Variants in SLC9A7 observed in about 807,000 individuals in gnomAD.
SLC9A7 encodes the protein solute carrier family 9 member A7, also known as sodium/hydrogen exchanger 7.
SLC9A7 carries 19 observed loss-of-function variants against 52.6 expected under a neutral mutation model. The observed-to-expected ratio is 0.36, with a 90% CI of 0.25 to 0.53. SLC9A7 has a LOEUF of 0.53. Ranked by LOEUF, SLC9A7 falls within the 20% of genes least tolerant of loss-of-function variation. SLC9A7 has a pLI of 0.91. For synonymous variants in SLC9A7, 226 were observed against 252.1 expected, an observed-to-expected ratio of 0.90 and a Z score of 0.98; for missense variants, 455 against 597.9, an observed-to-expected ratio of 0.76 and a Z score of 2.49.
chrX:46,732,992 T>C (rs1353367639), intron 1 of SLC9A7, among the ~76,000 whole-genome samples: 2 of 112,438 alleles, frequency 1.8e-5, no homozygotes. Context: ...TATACTACCT[T>C]TGGTCAGAGA....
chrX:46,758,047 T>C (rs1556293792), intron 1 of SLC9A7, among the ~76,000 whole-genome samples: 2 of 111,842 alleles, frequency 1.8e-5, no homozygotes, highest in Non-Finnish European at 3.8e-5. Context: ...TGGGTATAAC[T>C]TTCCACTCGG....
chrX:46,645,880 T>C (rs939836702), intron 11 of SLC9A7, among the ~76,000 whole-genome samples: 1 of 111,231 alleles, frequency 9.0e-6, no homozygotes, highest in African/African-American at 3.3e-5. Flanking sequence ...GCTTATGCCA[T>C]ATTGGTATAA....
intron 16 of SLC9A7, among the ~76,000 whole-genome samples, chrX:46,609,936 G>A (rs1439435934): frequency 9.0e-6 from 1 of 111,677 alleles, no homozygotes; most frequent in Non-Finnish European, 1.9e-5. Flanking sequence ...GCTGAGGCAC[G>A]AGAATCGCTT....
Position 46,643,876 on chromosome X carries a change from A to C in SLC9A7, c.1463-487T>G, listed in dbSNP as rs1322620237. 7.1e-5 allele frequency among the ~76,000 whole-genome samples: 8 copies of C among 112,106 alleles called. No individual in the cohort carries two copies. In the South Asian group the frequency reaches 3.0e-3, roughly 42 times the overall value. On this transcript the variant is annotated intron_variant, in intron 11 of 16. Transcript: ENST00000616978. ...AACCCAATCTACATCAGGGGTGGTC[A>C]ACTCTTTCTGTAACCGGCCAGATAT...
chrX:46,644,765 ATCTT>A (rs1410583737), intron 11 of SLC9A7, among the ~76,000 whole-genome samples: 1 of 112,062 alleles, frequency 8.9e-6, no homozygotes, highest in Non-Finnish European at 1.9e-5. Context: ...CTGTTTGTAC[ATCTT>A]TCTATTTTGC....
At chrX:46,726,559 C>T in intron 1 of SLC9A7, among the ~76,000 whole-genome samples, 1 of 111,468 alleles carries the variant, frequency 9.0e-6, no homozygotes, top group East Asian at 2.8e-4. Context: ...GCATCCCCAA[C>T]ACGAGTCCAG....
At chrX:46,747,639 T>C (rs1205824062) in intron 1 of SLC9A7, among the ~76,000 whole-genome samples, 1 of 111,675 alleles carries the variant, frequency 9.0e-6, no homozygotes, top group East Asian at 2.8e-4. Context: ...AATGACAATA[T>C]AATGGAAGGA....
At chrX:46,713,277 A>G (rs976201343) in intron 1 of SLC9A7, among the ~76,000 whole-genome samples, 1 of 110,347 alleles carries the variant, frequency 9.1e-6, no homozygotes, top group African/African-American at 3.3e-5. Flanking sequence ...AGGCGGGTGG[A>G]TCATCTGAGC....
chrX:46,625,948 T>C (rs1052967413), intron 14 of SLC9A7, among the ~76,000 whole-genome samples: 10 of 111,309 alleles, frequency 9.0e-5, no homozygotes, highest in Non-Finnish European at 1.9e-4. Context: ...CTTGAAAAAC[T>C]TGAAGCAGAG....
At chrX:46,610,519 T>C (rs1275475526) in intron 16 of SLC9A7, among the ~76,000 whole-genome samples, 2 of 111,810 alleles carry the variant, frequency 1.8e-5, no homozygotes, top group East Asian at 5.6e-4. Flanking sequence ...CAGTTTTGGG[T>C]TCCTCCACTG....
At chrX:46,708,016 C>A (rs1944630214) in intron 1 of SLC9A7, among the ~76,000 whole-genome samples, 1 of 111,042 alleles carries the variant, frequency 9.0e-6, no homozygotes, top group Non-Finnish European at 1.9e-5. Context: ...GCTGGGATTA[C>A]AGGCGTGAGC....
At chrX:46,727,337 A>G (rs891954239) in intron 1 of SLC9A7, among the ~76,000 whole-genome samples, 1 of 112,431 alleles carries the variant, frequency 8.9e-6, no homozygotes, top group African/African-American at 3.2e-5. Context: ...TGGTACCCCA[A>G]TGCAATCTCT....
intron 15 of SLC9A7, among the ~76,000 whole-genome samples, chrX:46,616,866 C>T (rs1386516570): frequency 2.7e-5 from 3 of 111,732 alleles, no homozygotes; most frequent in African/African-American, 9.8e-5. Context: ...CTTTGGAAAC[C>T]TCAAAGATTC....
Position 46,738,095 on chromosome X carries a change from GAAAGAAAGAAAGAGA to G in SLC9A7, c.325+20595_325+20609del, listed in dbSNP as rs367715819. On this transcript the variant is annotated intron_variant, in intron 1 of 16. Transcript: ENST00000616978. The stretch of plus-strand genomic sequence containing the variant: ...AGAAAGAAAGAAAGAAAGAAAGAAA[GAAAGAAAGAAAGAGA>G]AAAGAAAAGAAAAGTTTGGACATCT... Among the ~76,000 whole-genome samples, 138 of 56,705 alleles carry G rather than the reference GAAAGAAAGAAAGAGA, an allele frequency of 2.4e-3. 1 individual carries two copies. Among genetic ancestry groups the G allele is most frequent in the African/African-American group, 5.7e-3 (130 of 22,826 alleles). The allele number at this position is 56,705 out of a possible 115,157, so 49.2% of individuals were successfully genotyped here. A position where few individuals can be genotyped will look rare whatever the true frequency, so the allele number is the denominator to read the frequency against.
At chrX:46,744,519 T>C (rs1352657630) in intron 1 of SLC9A7, among the ~76,000 whole-genome samples, 1 of 112,117 alleles carries the variant, frequency 8.9e-6, no homozygotes, top group Non-Finnish European at 1.9e-5. Context: ...GGGGTAGATA[T>C]GAAGAAGTAA....
intron 1 of SLC9A7, among the ~76,000 whole-genome samples, chrX:46,702,268 T>C (rs938680265): frequency 1.8e-5 from 2 of 111,845 alleles, no homozygotes; most frequent in Non-Finnish European, 3.8e-5. Context: ...AGTTCTCTTT[T>C]CAGTTCTGTT....
At chrX:46,738,826 T>C (rs1311956334) in intron 1 of SLC9A7, among the ~76,000 whole-genome samples, 1 of 109,994 alleles carries the variant, frequency 9.1e-6, no homozygotes, top group Non-Finnish European at 1.9e-5. Flanking sequence ...TCAGAGAGAT[T>C]AGTACCCACC....
At position 46,607,085 on chromosome X, in the gene SLC9A7, G is replaced by A; in HGVS notation, c.2048C>T (p.Ser683Phe). The change falls in exon 17 of 17, where the codon TCC becomes TTC. Residue 683 changes from serine (S) to phenylalanine (F), a missense_variant. Coordinates refer to ENST00000616978, the MANE Select transcript of SLC9A7 (RefSeq NM_001257291.2). Reference protein sequence around the residue: ...ANGSSSSHTASTSLEGSRRTK... With the variant: ...ANGSSSSHTAFTSLEGSRRTK... ...TCTCCGGCTGCCCTCCAGACTCGTG[G>A]AGGCGGTGTGCGAACTTGAGGAGCC... 5 of 1,211,594 alleles carry A rather than the reference G, an allele frequency of 4.1e-6. No homozygotes were observed. The highest frequency in any genetic ancestry group is 5.6e-6 in the Non-Finnish European group (5 of 895,462).
chrX:46,599,810 A>G lies in SLC9A7; in HGVS notation c.*7142T>C, dbSNP rs1942632805. ...ACCAGTTTGCTACTGTTGAATGGAA[A>G]TAGAAGACAAAATTCTCCCCAATTA... On this transcript the variant is annotated 3_prime_UTR_variant, in exon 17 of 17. Coordinates refer to ENST00000616978, the MANE Select transcript of SLC9A7 (RefSeq NM_001257291.2). 1 of 109,491 alleles carries G rather than the reference A, an allele frequency of 9.1e-6. No individual in the cohort carries two copies. The highest frequency in any genetic ancestry group is 1.9e-5 in the Non-Finnish European group (1 of 53,274). The allele number at this position is 109,491 out of a possible 1,213,427, so 9.0% of individuals were successfully genotyped here. A position where few individuals can be genotyped will look rare whatever the true frequency, so the allele number is the denominator to read the frequency against.
Sources: gnomAD v4.1 joint callset for allele counts (sites outside exome capture counted in the v4.1 genomes callset) on GRCh38, gnomAD v4.1.1 for gene constraint, MANE v1.5 for transcripts, NCBI Gene and HGNC (gene_info 2026-07-23, HGNC 2026-07-21) for gene names.